Variants in ARHGAP15 observed in about 807,000 individuals in gnomAD.
ARHGAP15 encodes the protein rho GTPase-activating protein 15.
In ARHGAP15, 51 loss-of-function variants were observed where a neutral mutation model predicts 63.7. That is an observed-to-expected ratio of 0.80 (90% CI 0.64 to 1.01). The LOEUF is 1.01. ARHGAP15 is among the 50% of genes least tolerant of loss of function. The probability of loss-of-function intolerance (pLI) is 0.00; values close to 1 mark genes in which losing one functional copy is unlikely to be tolerated. For missense variants in ARHGAP15, 560 were observed against 564.6 expected (o/e 0.99, Z 0.08); for synonymous variants, 191 against 193.8 (o/e 0.99, Z 0.12).
At position 143,456,448 on chromosome 2, in the gene ARHGAP15, T is replaced by G. The variant is rs576895010; in HGVS notation, c.703+19406T>G. 9.2e-5 allele frequency among the ~76,000 whole-genome samples: 14 copies of G among 152,224 alleles called. No homozygotes were observed. The South Asian group carries it at 2.7e-3, about 29-fold the overall frequency. Reference sequence around the variant, plus strand: ...TAGGAAACAATGTGAAGTAAAGGTGTAGAGTGAAATGGCTAAACTTATTTT... The same window carrying G: ...TAGGAAACAATGTGAAGTAAAGGTGGAGAGTGAAATGGCTAAACTTATTTT... On this transcript the variant is annotated intron_variant, in intron 8 of 13. Coordinates refer to ENST00000295095, the MANE Select transcript of ARHGAP15 (RefSeq NM_018460.4).
At chr2:143,506,246 A>G (rs1693315867) in intron 9 of ARHGAP15, among the ~76,000 whole-genome samples, 1 of 152,224 alleles carries the variant, frequency 6.6e-6, no homozygotes, top group Admixed American at 6.5e-5. Flanking sequence ...TCACTGAATG[A>G]CACTTCCAGC....
chr2:143,152,456 C>T (rs191434289), intron 1 of ARHGAP15, among the ~76,000 whole-genome samples: 4 of 152,108 alleles, frequency 2.6e-5, no homozygotes, highest in Non-Finnish European at 5.9e-5. Flanking sequence ...GCTCCTCTCC[C>T]CACCTGGGCA....
At chr2:143,268,598 T>C (rs1268265933) in intron 6 of ARHGAP15, among the ~76,000 whole-genome samples, 1 of 152,124 alleles carries the variant, frequency 6.6e-6, no homozygotes, top group African/African-American at 2.4e-5. Context: ...TTTTTAAAAA[T>C]TACACGTTAG....
intron 6 of ARHGAP15, among the ~76,000 whole-genome samples, chr2:143,427,571 T>C (rs1294999782): frequency 1.3e-5 from 2 of 151,974 alleles, no homozygotes; most frequent in African/African-American, 4.8e-5. Context: ...CTAGTATAGA[T>C]GATCCCTGTA....
At chr2:143,323,714 T>C (rs1455845558) in intron 6 of ARHGAP15, among the ~76,000 whole-genome samples, 2 of 151,070 alleles carry the variant, frequency 1.3e-5, no homozygotes, top group Non-Finnish European at 3.0e-5. Context: ...TGAAACCCTG[T>C]CTCTACTAAA....
At chr2:143,559,145 G>T (rs1338021840) in intron 11 of ARHGAP15, among the ~76,000 whole-genome samples, 2 of 152,070 alleles carry the variant, frequency 1.3e-5, no homozygotes, top group Non-Finnish European at 2.9e-5. Flanking sequence ...ATTCTAGACA[G>T]CTGGGCAACA....
At chr2:143,537,117 A>G (rs1428070173) in intron 10 of ARHGAP15, among the ~76,000 whole-genome samples, 1 of 152,168 alleles carries the variant, frequency 6.6e-6, no homozygotes, top group Non-Finnish European at 1.5e-5. Flanking sequence ...CATTTCTCTG[A>G]TGGCTGGCCA....
At chr2:143,291,344 G>A (rs1250609074) in intron 6 of ARHGAP15, among the ~76,000 whole-genome samples, 1 of 152,048 alleles carries the variant, frequency 6.6e-6, no homozygotes, top group Non-Finnish European at 1.5e-5. Flanking sequence ...TTTACAATCT[G>A]TATGGAAAAG....
intron 10 of ARHGAP15, chr2:143,533,395 T>C (rs1694607034): frequency 2.0e-5 from 3 of 152,128 alleles, no homozygotes; most frequent in Admixed American, 1.3e-4. Flanking sequence ...CTTTCTTTGG[T>C]GTGTGATTAC....
At chr2:143,310,910 C>A (rs1194122852) in intron 6 of ARHGAP15, among the ~76,000 whole-genome samples, 1 of 151,930 alleles carries the variant, frequency 6.6e-6, no homozygotes, top group Non-Finnish European at 1.5e-5. Context: ...TATGGTAACA[C>A]CATACTTCTT....
chr2:143,456,936 A>G (rs2105147626), intron 8 of ARHGAP15, among the ~76,000 whole-genome samples: 1 of 152,094 alleles, frequency 6.6e-6, no homozygotes, highest in South Asian at 2.1e-4. Context: ...AATGTCAAAG[A>G]AAGTTGATTT....
At chr2:143,376,159 T>C (rs1276697240) in intron 6 of ARHGAP15, among the ~76,000 whole-genome samples, 9 of 152,212 alleles carry the variant, frequency 5.9e-5, no homozygotes, top group African/African-American at 2.2e-4. Context: ...TTTAGTATTC[T>C]AAAAGTGGAA....
At chr2:143,711,180 A>C (rs1291917745) in intron 13 of ARHGAP15, among the ~76,000 whole-genome samples, 2 of 152,220 alleles carry the variant, frequency 1.3e-5, no homozygotes, top group Non-Finnish European at 2.9e-5. Flanking sequence ...AATATTTACC[A>C]TCTGACCCTT....
intron 8 of ARHGAP15, among the ~76,000 whole-genome samples, chr2:143,467,536 C>T (rs1691289984): frequency 6.6e-6 from 1 of 151,942 alleles, no homozygotes; most frequent in South Asian, 2.1e-4. Context: ...AACCAATAAG[C>T]ATTTGTTACT....
chr2:143,212,618 T>C (rs765032806), intron 3 of ARHGAP15, among the ~76,000 whole-genome samples: 15 of 152,174 alleles, frequency 9.9e-5, no homozygotes, highest in Non-Finnish European at 1.5e-4. Flanking sequence ...GACAAGACCA[T>C]CTGAGCTCTA....
chr2:143,378,947 C>T (rs72999514), intron 6 of ARHGAP15, among the ~76,000 whole-genome samples: 1,560 of 151,784 alleles, frequency 0.01, 24 homozygotes, highest in African/African-American at 0.033. Context: ...TGTGATAAAC[C>T]TTGGAACCAA....
At position 143,487,441 on chromosome 2, in the gene ARHGAP15, T is replaced by C. The variant is rs1296965721; in HGVS notation, c.772T>C (p.Phe258Leu). ...TCGAGTTAAAAGCAGATTAAAGAAG[T>C]TTATTACCCGAAGACCTTCCCTGAA... ...KNRVKSRLKK[F>L]ITRRPSLKTL... Residue 258 changes from phenylalanine (F) to leucine (L), a missense_variant, in exon 9 of 14, where the codon TTT (phenylalanine) becomes CTT (leucine). Coordinates refer to ENST00000295095, the MANE Select transcript of ARHGAP15 (RefSeq NM_018460.4). The C allele has an allele frequency of 2.5e-6, 4 of 1,613,782 alleles. No homozygotes were observed. Among genetic ancestry groups the C allele is most frequent in the Admixed American group, 3.3e-5 (2 of 59,990 alleles).
intron 12 of ARHGAP15, among the ~76,000 whole-genome samples, chr2:143,684,345 C>T (rs1683231197): frequency 6.6e-6 from 1 of 152,090 alleles, no homozygotes; most frequent in Admixed American, 6.6e-5. Flanking sequence ...CCAGTTTAGA[C>T]AGGGGGTTAA....
chr2:143,658,969 AAGG>A (rs1350633547), intron 12 of ARHGAP15, among the ~76,000 whole-genome samples: 7 of 152,156 alleles, frequency 4.6e-5, no homozygotes, highest in Admixed American at 1.3e-4. Context: ...TTAGAAAGAG[AAGG>A]AGAAGAATAG....
Sources: allele counts gnomAD v4.1 joint callset (sites outside exome capture counted in the v4.1 genomes callset), GRCh38; gene constraint gnomAD v4.1.1; transcripts MANE v1.5; gene names NCBI Gene and HGNC (gene_info 2026-07-23, HGNC 2026-07-21).